The following RPGRIP1L variants were observed in gnomAD, a reference collection of about 807,000 sequenced individuals.
RPGRIP1L encodes the protein RPGRIP1 like.
Under a neutral mutation model 160.4 loss-of-function variants are expected in RPGRIP1L, and 131 were observed. The ratio of observed to expected loss-of-function variants is 0.82; its 90% CI spans 0.71 to 0.94. RPGRIP1L has a LOEUF of 0.94. Among genes scored for constraint, RPGRIP1L ranks in the 40% least tolerant of loss-of-function variants. The pLI, the probability that RPGRIP1L is intolerant of heterozygous loss-of-function variation, is 0.00. For missense variants in RPGRIP1L, 1,522 were observed against 1,535.8 expected, an observed-to-expected ratio of 0.99 and a Z score of 0.15; for synonymous variants, 510 against 515.8, an observed-to-expected ratio of 0.99 and a Z score of 0.15.
At chr16:53,686,755 C>T (rs960552521) in intron 5 of RPGRIP1L, among the ~76,000 whole-genome samples, 179 bp from the exon 6 acceptor site, 5 of 152,218 alleles carry the variant, frequency 3.3e-5, no homozygotes, top group South Asian at 2.1e-4. Flanking sequence ...GAAATACATA[C>T]GGAACAATGC....
intron 23 of RPGRIP1L, among the ~76,000 whole-genome samples, chr16:53,619,516 C>T (rs1445468052): frequency 1.3e-5 from 2 of 152,188 alleles, no homozygotes; most frequent in Admixed American, 6.5e-5. Context: ...TCTTCATCTC[C>T]GATTGCTTTC....
At chr16:53,666,141 T>G (rs1010592531) in intron 9 of RPGRIP1L, among the ~76,000 whole-genome samples, 3 of 152,226 alleles carry the variant, frequency 2.0e-5, no homozygotes, top group Admixed American at 6.5e-5. Context: ...TGCTCCCAAC[T>G]AGTCTTCAGT....
chr16:53,624,083 G>C (rs948364040), intron 22 of RPGRIP1L, among the ~76,000 whole-genome samples: 1 of 151,946 alleles, frequency 6.6e-6, no homozygotes, highest in Non-Finnish European at 1.5e-5. Context: ...GTAGAGACGG[G>C]GTTTCACTAT....
At chr16:53,651,995 C>T (rs565451425) in intron 15 of RPGRIP1L, among the ~76,000 whole-genome samples, 8 of 151,594 alleles carry the variant, frequency 5.3e-5, no homozygotes, top group Admixed American at 2.6e-4. Context: ...CATAATTTAG[C>T]CAAAAAGAGT....
intron 22 of RPGRIP1L, among the ~76,000 whole-genome samples, chr16:53,633,297 T>A (rs1965632829): frequency 6.6e-6 from 1 of 152,234 alleles, no homozygotes; most frequent in Admixed American, 6.5e-5. Context: ...TACCTCCTGA[T>A]ATGATGCAAT....
intron 13 of RPGRIP1L, 95 bp from the exon 14 acceptor site, chr16:53,656,684 A>C (rs1228871180): frequency 1.1e-6 from 1 of 906,622 alleles, no homozygotes; most frequent in Non-Finnish European, 1.8e-6. Context: ...TAGATCCTGG[A>C]AATAGTAGGA....
intron 10 of RPGRIP1L, among the ~76,000 whole-genome samples, chr16:53,663,984 G>A (rs967488260): frequency 2.6e-5 from 4 of 152,146 alleles, no homozygotes; most frequent in African/African-American, 4.8e-5. Context: ...AACTAGAAAC[G>A]TAACTGTTTT....
In RPGRIP1L at chr16:53,600,997, C is replaced by G. The variant is rs1963352858; in HGVS notation, c.*1079G>C. On this transcript the variant is annotated 3_prime_UTR_variant, in exon 27 of 27. Coordinates refer to ENST00000647211, the MANE Select transcript of RPGRIP1L (RefSeq NM_015272.5). ...TATAAAAATCCTTTGAAGAAAATGA[C>G]AAATAAAAAAGTAAATTAAAAAATG... 2 of 152,500 alleles carry G rather than the reference C, an allele frequency of 1.3e-5. No homozygotes were observed. Among genetic ancestry groups the G allele is most frequent in the African/African-American group, 4.8e-5 (2 of 41,418 alleles). 9.4% of individuals were successfully genotyped at this position (152,500 alleles called of 1,614,324 possible). A position where few individuals can be genotyped will look rare whatever the true frequency, so the allele number is the denominator to read the frequency against.
intron 6 of RPGRIP1L, among the ~76,000 whole-genome samples, chr16:53,685,192 G>A (rs370223861): frequency 2.0e-5 from 3 of 151,868 alleles, no homozygotes; most frequent in Non-Finnish European, 3.0e-5. Flanking sequence ...TGAGACTGGC[G>A]AGTCAAAAAA....
At chr16:53,602,736 T>C (rs899020208) in intron 26 of RPGRIP1L, among the ~76,000 whole-genome samples, 1 of 149,262 alleles carries the variant, frequency 6.7e-6, no homozygotes, top group Non-Finnish European at 1.5e-5. Context: ...ATCATGCCAC[T>C]GCACGCCAGC....
intron 5 of RPGRIP1L, among the ~76,000 whole-genome samples, chr16:53,686,863 T>C (rs1970055743): frequency 6.6e-6 from 1 of 152,214 alleles, no homozygotes; most frequent in South Asian, 2.1e-4. Flanking sequence ...ACCTACTATG[T>C]ATGCCACAAT....
At position 53,656,522 on chromosome 16, in the gene RPGRIP1L, T is replaced by C. The variant is rs772900011; in HGVS notation, c.1649A>G (p.Gln550Arg). The C allele has an allele frequency of 2.5e-6, 4 of 1,614,080 alleles. No homozygotes were observed. The South Asian group carries it at 3.3e-5, about 13-fold the overall frequency. Residue 550 changes from glutamine (Q) to arginine (R), a missense_variant, in exon 14 of 27, where the codon CAG (glutamine) becomes CGG (arginine). Gln to Arg is a conservative substitution (Grantham distance 43). Transcript: ENST00000647211. ...LQQDYELKVEQYVHLLDIRAA... is the reference protein window; with the variant it reads ...LQQDYELKVERYVHLLDIRAA... ...CCTGATATCAAGAAGATGAACATAC[T>C]GTTCCACTTTGAGTTCATAATCTTG...
At chr16:53,605,656 A>C (rs772592527) in intron 25 of RPGRIP1L, 42 bp from the exon 26 acceptor site, 3 of 1,610,284 alleles carry the variant, frequency 1.9e-6, no homozygotes, top group East Asian at 4.5e-5. Flanking sequence ...CCAAGTGAGA[A>C]GAAATCACCA....
chr16:53,627,377 AC>A (rs1279800843), intron 22 of RPGRIP1L, among the ~76,000 whole-genome samples: 2 of 152,196 alleles, frequency 1.3e-5, no homozygotes, highest in Non-Finnish European at 2.9e-5. Context: ...TTATTATAAA[AC>A]ATTTCAAACA....
rs1230548205 is a variant in RPGRIP1L at position 53,599,477 on chromosome 16, A to C, written c.*2599T>G. ...TACAGTAGGCAAAAATACATGTAAA[A>C]TACACTCTCCCACATACCACATCAC... On this transcript the variant is annotated 3_prime_UTR_variant, in exon 27 of 27. Transcript: ENST00000647211. 1 of 152,208 alleles carries C rather than the reference A, an allele frequency of 6.6e-6. No homozygotes were observed. Among genetic ancestry groups the C allele is most frequent in the East Asian group, 1.9e-4 (1 of 5,196 alleles). 9.4% of individuals were successfully genotyped at this position (152,208 alleles called of 1,614,324 possible).
intron 3 of RPGRIP1L, chr16:53,695,171 G>C: frequency 1.8e-6 from 1 of 562,744 alleles, no homozygotes; most frequent in Non-Finnish European, 3.2e-6. Context: ...GGCTTACAAA[G>C]AAAAAAATTG....
chr16:53,661,967 G>A (rs1443978916), intron 10 of RPGRIP1L, among the ~76,000 whole-genome samples: 1 of 151,976 alleles, frequency 6.6e-6, no homozygotes, highest in Non-Finnish European at 1.5e-5. Context: ...TAACTCCTGG[G>A]TCTTTAAAAA....
Position 53,601,821 on chromosome 16 carries a change from A to C in RPGRIP1L, c.*255T>G. The stretch of plus-strand genomic sequence containing the variant: ...GACTTTCTCACGCTATCACGTAGGT[A>C]TAAATTATTGAGAAGGTACTGCCCA... On this transcript the variant is annotated 3_prime_UTR_variant, in exon 27 of 27. Transcript: ENST00000647211. 1 of 424,472 alleles carries C rather than the reference A, an allele frequency of 2.4e-6. No individual in the cohort carries two copies. 26.3% of individuals were successfully genotyped at this position (424,472 alleles called of 1,614,324 possible). A position where few individuals can be genotyped will look rare whatever the true frequency, so the allele number is the denominator to read the frequency against.
chr16:53,661,507 A>C (rs1212422466), intron 10 of RPGRIP1L, among the ~76,000 whole-genome samples: 1 of 152,184 alleles, frequency 6.6e-6, no homozygotes, highest in African/African-American at 2.4e-5. Flanking sequence ...GTTAGGTAAC[A>C]AAAAGAAGGC....
Sources: allele counts gnomAD v4.1 joint callset (sites outside exome capture counted in the v4.1 genomes callset), GRCh38; gene constraint gnomAD v4.1.1; transcripts MANE v1.5; gene names NCBI Gene and HGNC (gene_info 2026-07-23, HGNC 2026-07-21).